The following HSD17B12 variants were observed in gnomAD, a reference collection of about 807,000 sequenced individuals.
HSD17B12 encodes the protein very-long-chain 3-oxoacyl-CoA reductase.
Under a neutral mutation model 39.3 loss-of-function variants are expected in HSD17B12, and 32 were observed. The observed-to-expected ratio is 0.81, with a 90% CI of 0.61 to 1.09. The LOEUF (loss-of-function observed/expected upper bound fraction) is 1.09, where lower values mean the gene tolerates loss of function less well. Among genes scored for constraint, HSD17B12 ranks in the 50% least tolerant of loss-of-function variants. HSD17B12 has a pLI of 0.00. For missense variants in HSD17B12, 342 were observed against 382.9 expected (o/e 0.89, Z 0.89); for synonymous variants, 150 against 146.7 (o/e 1.02, Z -0.16).
At chr11:43,791,346 AC>A in intron 3 of HSD17B12, among the ~76,000 whole-genome samples, 1 of 152,292 alleles carries the variant, frequency 6.6e-6, no homozygotes, top group Middle Eastern at 3.4e-3. Context: ...AGCCTGGCCA[AC>A]GTGGCAAAAC....
chr11:43,725,861 A>G (rs1844066264), intron 1 of HSD17B12, among the ~76,000 whole-genome samples: 1 of 152,208 alleles, frequency 6.6e-6, no homozygotes, highest in African/African-American at 2.4e-5. Flanking sequence ...ACAGAGGAAC[A>G]GATATGAGAA....
chr11:43,792,681 C>CTT (rs1176287209), intron 3 of HSD17B12, among the ~76,000 whole-genome samples: 2 of 116,138 alleles, frequency 1.7e-5, no homozygotes, highest in Non-Finnish European at 3.5e-5. Context: ...CTCAATGTAA[C>CTT]CTTTTTTTTT....
chr11:43,847,428 T>C (rs374570594), intron 9 of HSD17B12, among the ~76,000 whole-genome samples: 1 of 152,166 alleles, frequency 6.6e-6, no homozygotes, highest in African/African-American at 2.4e-5. Context: ...CTGGGCGCCA[T>C]GCACGGTGGC....
Position 43,680,743 on chromosome 11 carries a change from C to A in HSD17B12, c.-85C>A. The A allele has an allele frequency of 8.0e-7, 1 of 1,254,764 alleles. No individual in the cohort carries two copies. 77.7% of individuals were successfully genotyped at this position (1,254,764 alleles called of 1,614,324 possible). A position where few individuals can be genotyped will look rare whatever the true frequency, so the allele number is the denominator to read the frequency against. Reference sequence around the variant, plus strand: ...TCGGAGCAGCGCCTATTAGTGTCATCCTCACCGTCACGGCCGGCGCCTCCT... The same window carrying A: ...TCGGAGCAGCGCCTATTAGTGTCATACTCACCGTCACGGCCGGCGCCTCCT... On this transcript the variant is annotated 5_prime_UTR_variant, in exon 1 of 11. Transcript: ENST00000278353.
chr11:43,763,573 A>G (rs1229782843), intron 3 of HSD17B12, among the ~76,000 whole-genome samples: 2 of 144,896 alleles, frequency 1.4e-5, no homozygotes, highest in Non-Finnish European at 3.0e-5. Context: ...TGATTTCAAT[A>G]TATTTTATAC....
chr11:43,745,935 A>G (rs974894175), intron 1 of HSD17B12, among the ~76,000 whole-genome samples: 15 of 152,170 alleles, frequency 9.9e-5, no homozygotes, highest in Admixed American at 2.0e-4. Context: ...ACTTGAGCCC[A>G]AGAGTGAGAG....
At chr11:43,829,058 T>A (rs185057412) in intron 6 of HSD17B12, among the ~76,000 whole-genome samples, 5 of 152,322 alleles carry the variant, frequency 3.3e-5, no homozygotes, top group African/African-American at 1.2e-4. Context: ...TTCTCAGGCT[T>A]TTCATTGTTA....
the HSD17B12 span, among the ~76,000 whole-genome samples, chr11:43,597,936 C>T: frequency 6.6e-6 from 1 of 152,068 alleles, no homozygotes; most frequent in African/African-American, 2.4e-5. Flanking sequence ...CGCCCAGCCC[C>T]CTCCTGCTTT....
the HSD17B12 span, among the ~76,000 whole-genome samples, chr11:43,608,216 A>G: frequency 1.3e-5 from 2 of 152,046 alleles, no homozygotes; most frequent in Non-Finnish European, 2.9e-5. Context: ...AAGACAAAAA[A>G]TTAGTCAGGT....
intron 3 of HSD17B12, among the ~76,000 whole-genome samples, chr11:43,788,201 C>G (rs1040734211): frequency 2.6e-5 from 4 of 151,994 alleles, no homozygotes; most frequent in African/African-American, 9.7e-5. Flanking sequence ...TCAGCTCTGG[C>G]CCAAATCTTC....
At chr11:43,704,602 C>G (rs1949996985) in intron 1 of HSD17B12, among the ~76,000 whole-genome samples, 1 of 152,110 alleles carries the variant, frequency 6.6e-6, no homozygotes, top group Non-Finnish European at 1.5e-5. Flanking sequence ...AAAAGTTGAC[C>G]AATCTTGATT....
At chr11:43,716,390 TA>T (rs1950123429) in intron 1 of HSD17B12, among the ~76,000 whole-genome samples, 1 of 152,230 alleles carries the variant, frequency 6.6e-6, no homozygotes, top group Admixed American at 6.5e-5. Context: ...TTGGGTATTA[TA>T]AAGAGGCAAT....
At position 43,794,336 on chromosome 11, in the gene HSD17B12, A is replaced by G. The variant is rs559117724; in HGVS notation, c.284-3984A>G. On this transcript the variant is annotated intron_variant, in intron 3 of 10. Coordinates refer to ENST00000278353, the MANE Select transcript of HSD17B12 (RefSeq NM_016142.3). ...TGAGATATTTAAACAAAACATTTGAATAAATGGAGAGCCCGGAGGGAATGC... is the reference window on the plus strand; with the variant it reads ...TGAGATATTTAAACAAAACATTTGAGTAAATGGAGAGCCCGGAGGGAATGC... Among the ~76,000 whole-genome samples the G allele has an allele frequency of 1.3e-3, 195 of 152,336 alleles. 2 individuals are homozygous for G. The highest frequency in any genetic ancestry group is 3.5e-3 in the Admixed American group (54 of 15,302).
the HSD17B12 span, among the ~76,000 whole-genome samples, chr11:43,608,703 G>A: frequency 6.6e-6 from 1 of 151,990 alleles, no homozygotes; most frequent in African/African-American, 2.4e-5. Flanking sequence ...AAATCTTTTG[G>A]CTATTGTAGG....
chr11:43,848,047 C>G (rs1019616302), intron 9 of HSD17B12, among the ~76,000 whole-genome samples: 2 of 152,012 alleles, frequency 1.3e-5, no homozygotes, highest in African/African-American at 4.8e-5. Context: ...AAACGGCTAC[C>G]GGGATTACAA....
At chr11:43,672,125 T>A in the HSD17B12 span, among the ~76,000 whole-genome samples, 1 of 152,196 alleles carries the variant, frequency 6.6e-6, no homozygotes, top group Non-Finnish European at 1.5e-5. Context: ...CTCGGCTCAC[T>A]GAAAGCTCTG....
chr11:43,563,656 T>A, the HSD17B12 span, among the ~76,000 whole-genome samples: 13 of 151,840 alleles, frequency 8.6e-5, no homozygotes, highest in Middle Eastern at 3.4e-3. Flanking sequence ...CTCTACTAAA[T>A]TTTTTTTTCT....
chr11:43,829,885 T>C (rs1951290981), intron 6 of HSD17B12: 1 of 152,212 alleles, frequency 6.6e-6, no homozygotes. Flanking sequence ...AAAAAAAGTT[T>C]TCAAATACTG....
intron 4 of HSD17B12, among the ~76,000 whole-genome samples, chr11:43,798,793 T>C (rs1950938325): frequency 6.6e-6 from 1 of 152,206 alleles, no homozygotes; most frequent in African/African-American, 2.4e-5. Context: ...TTCTGTATAC[T>C]TTAAATCATC....
Sources: allele counts gnomAD v4.1 joint callset (sites outside exome capture counted in the v4.1 genomes callset), GRCh38; gene constraint gnomAD v4.1.1; transcripts MANE v1.5; gene names NCBI Gene and HGNC (gene_info 2026-07-23, HGNC 2026-07-21).